Variants in EXOC6B observed in about 807,000 individuals in gnomAD.
EXOC6B encodes SEC15 homolog B.
EXOC6B carries 54 observed loss-of-function variants against 113.5 expected under a neutral mutation model. The observed-to-expected ratio is 0.48, with a 90% CI of 0.38 to 0.60. The LOEUF is 0.60. Ranked by LOEUF, EXOC6B falls within the 20% of genes least tolerant of loss-of-function variation. The pLI, the probability that EXOC6B is intolerant of heterozygous loss-of-function variation, is 0.00. For synonymous variants in EXOC6B, 357 were observed against 339.0 expected (o/e 1.05, Z -0.58); for missense variants, 797 against 977.5 (o/e 0.82, Z 2.46).
chr2:72,533,903 G>C (rs1702146194), intron 8 of EXOC6B, among the ~76,000 whole-genome samples: 1 of 152,084 alleles, frequency 6.6e-6, no homozygotes, highest in South Asian at 2.1e-4. Flanking sequence ...GTAAAAGGAG[G>C]TTTCGAATAT....
chr2:72,420,866 G>A (rs933877785), intron 18 of EXOC6B, among the ~76,000 whole-genome samples: 16 of 152,258 alleles, frequency 1.1e-4, no homozygotes, highest in South Asian at 4.2e-4. Flanking sequence ...ACGTAAAAGC[G>A]TTCCTATTTC....
intron 11 of EXOC6B, among the ~76,000 whole-genome samples, chr2:72,512,368 GA>G (rs1439543406): frequency 1.4e-4 from 6 of 43,004 alleles, no homozygotes; most frequent in African/African-American, 6.2e-4. Context: ...AGGAAGGAAA[GA>G]AGGAAGGAAG....
chr2:72,587,210 T>C (rs547082319), intron 6 of EXOC6B, among the ~76,000 whole-genome samples: 2 of 152,266 alleles, frequency 1.3e-5, no homozygotes, highest in Admixed American at 6.5e-5. Context: ...GTGGTACATA[T>C]ACATCATGGA....
chr2:72,389,823 C>T (rs948880906), intron 18 of EXOC6B, among the ~76,000 whole-genome samples: 1 of 151,896 alleles, frequency 6.6e-6, no homozygotes, highest in Non-Finnish European at 1.5e-5. Flanking sequence ...TTCTTTTTAT[C>T]GTTGTTTTTC....
At chr2:72,788,115 T>G (rs944639245) in intron 1 of EXOC6B, among the ~76,000 whole-genome samples, 25 of 152,220 alleles carry the variant, frequency 1.6e-4, no homozygotes, top group South Asian at 2.1e-4. Flanking sequence ...ACTCTCTAGG[T>G]TCAAATCCCA....
chr2:72,443,387 A>C (rs1696350612), intron 18 of EXOC6B, among the ~76,000 whole-genome samples: 1 of 152,058 alleles, frequency 6.6e-6, no homozygotes, highest in African/African-American at 2.4e-5. Flanking sequence ...GAGAACCCAG[A>C]AATAAGACCA....
chr2:72,179,168 C>T lies in EXOC6B; in HGVS notation c.*167G>A. The T allele has an allele frequency of 2.7e-6, 2 of 744,746 alleles. No homozygotes were observed. Among genetic ancestry groups the T allele is most frequent in the Non-Finnish European group, 4.1e-6 (2 of 486,234 alleles). 46.1% of individuals were successfully genotyped at this position (744,746 alleles called of 1,614,324 possible). ...TCTCATGTACTTGCTTATTCTTGTG[C>T]CTCTTTTACTATAGGGAAATGTTAT... On this transcript the variant is annotated 3_prime_UTR_variant, in exon 22 of 22. Transcript: ENST00000272427.
chr2:72,196,472 T>A (rs188689423), intron 20 of EXOC6B, among the ~76,000 whole-genome samples: 1 of 152,174 alleles, frequency 6.6e-6, no homozygotes, highest in African/African-American at 2.4e-5. Context: ...CAACTAGATA[T>A]GCATTTAAAA....
At chr2:72,811,906 A>G (rs1472934143) in intron 1 of EXOC6B, among the ~76,000 whole-genome samples, 3 of 152,224 alleles carry the variant, frequency 2.0e-5, no homozygotes, top group Non-Finnish European at 4.4e-5. Flanking sequence ...TCAAATTGAT[A>G]AAGAGCATCC....
At chr2:72,567,029 T>A (rs1704219954) in intron 7 of EXOC6B, among the ~76,000 whole-genome samples, 1 of 151,980 alleles carries the variant, frequency 6.6e-6, no homozygotes, top group African/African-American at 2.4e-5. Context: ...AGGAGCAGTG[T>A]GGAAAGGATA....
chr2:72,443,041 C>T (rs557202680), intron 18 of EXOC6B, among the ~76,000 whole-genome samples: 70 of 152,116 alleles, frequency 4.6e-4, no homozygotes, highest in Non-Finnish European at 7.2e-4. Context: ...AGAAAAGACA[C>T]ATAGGCAGGG....
intron 6 of EXOC6B, among the ~76,000 whole-genome samples, chr2:72,604,100 A>G (rs775349498): frequency 6.4e-4 from 97 of 152,208 alleles, no homozygotes; most frequent in Non-Finnish European, 1.3e-3. Flanking sequence ...TGGTCATTTG[A>G]CACTGACGGA....
intron 19 of EXOC6B, among the ~76,000 whole-genome samples, chr2:72,373,893 G>A (rs528335686): frequency 1.3e-5 from 2 of 152,244 alleles, no homozygotes; most frequent in Admixed American, 6.5e-5. Flanking sequence ...GAAGGCCGAG[G>A]TGGGTGGATC....
chr2:72,567,770 T>C (rs1363250679), intron 7 of EXOC6B, among the ~76,000 whole-genome samples: 1 of 152,014 alleles, frequency 6.6e-6, no homozygotes, highest in Non-Finnish European at 1.5e-5. Context: ...AAAGACAAGA[T>C]GGAATATAAC....
chr2:72,470,275 T>C (rs1212831822), intron 17 of EXOC6B, among the ~76,000 whole-genome samples: 2 of 152,186 alleles, frequency 1.3e-5, no homozygotes. Flanking sequence ...TTTGTAGTTT[T>C]CATTGCGGAC....
chr2:72,682,090 A>G (rs946619561), intron 6 of EXOC6B, among the ~76,000 whole-genome samples: 10 of 152,054 alleles, frequency 6.6e-5, no homozygotes, highest in East Asian at 1.9e-4. Flanking sequence ...GTTAATTCCT[A>G]GAACCAAAGT....
intron 3 of EXOC6B, among the ~76,000 whole-genome samples, chr2:72,731,601 T>C (rs779658484): frequency 1.3e-5 from 2 of 152,214 alleles, no homozygotes; most frequent in Non-Finnish European, 2.9e-5. Flanking sequence ...TGAAAAGTAA[T>C]TCACTTTTAT....
At chr2:72,407,744 C>A (rs1384900900) in intron 18 of EXOC6B, among the ~76,000 whole-genome samples, 1 of 152,072 alleles carries the variant, frequency 6.6e-6, no homozygotes, top group Non-Finnish European at 1.5e-5. Flanking sequence ...TATGACAAAC[C>A]CACAGCCAAT....
intron 15 of EXOC6B, among the ~76,000 whole-genome samples, chr2:72,493,230 C>T (rs1267624934): frequency 6.6e-6 from 1 of 151,610 alleles, no homozygotes; most frequent in Non-Finnish European, 1.5e-5. Flanking sequence ...CCAGTCCCAT[C>T]ATGGTTTTCG....
Sources: allele counts gnomAD v4.1 joint callset (sites outside exome capture counted in the v4.1 genomes callset), GRCh38; gene constraint gnomAD v4.1.1; transcripts MANE v1.5; gene names NCBI Gene and HGNC (gene_info 2026-07-23, HGNC 2026-07-21).